The following PAQR5 variants were observed in gnomAD, a reference collection of about 807,000 sequenced individuals.
The protein encoded by PAQR5 is membrane progestin receptor gamma.
Under a neutral mutation model 34.5 loss-of-function variants are expected in PAQR5, and 20 were observed. That is an observed-to-expected ratio of 0.58 (90% CI 0.41 to 0.84). PAQR5 has a LOEUF of 0.84. Among genes scored for constraint, PAQR5 ranks in the 40% least tolerant of loss-of-function variants. The pLI is 0.00. For missense variants in PAQR5, 378 were observed against 412.7 expected, an observed-to-expected ratio of 0.92 and a Z score of 0.73; for synonymous variants, 131 against 155.6, an observed-to-expected ratio of 0.84 and a Z score of 1.18.
chr15:69,303,317 CAAGAA>C (rs57871006), intron 1 of PAQR5, among the ~76,000 whole-genome samples: 9,159 of 152,134 alleles, frequency 0.06, 422 homozygotes, highest in East Asian at 0.14. Flanking sequence ...AGGCCCTTGG[CAAGAA>C]CCTTCAGGCC....
chr15:69,350,405 G>A (rs1328759347), intron 2 of PAQR5, among the ~76,000 whole-genome samples: 2 of 152,228 alleles, frequency 1.3e-5, no homozygotes, highest in Non-Finnish European at 1.5e-5. Context: ...CACTTTGGGA[G>A]GCCGATGCAG....
At position 69,367,346 on chromosome 15, in the gene PAQR5, G is replaced by A. The variant is rs185842096; in HGVS notation, c.51+7215G>A. The stretch of plus-strand genomic sequence containing the variant: ...ATGTGTTAGAAATATGCTCTGCGTG[G>A]ATTAGTTTAGTGGTCACTTCAGCTA... On this transcript the variant is annotated intron_variant, in intron 3 of 8. Coordinates refer to ENST00000395407, the MANE Select transcript of PAQR5 (RefSeq NM_017705.4). Among the ~76,000 whole-genome samples, 25 of 152,118 alleles carry A rather than the reference G, an allele frequency of 1.6e-4. No homozygotes were observed. The East Asian group carries it at 4.8e-3, about 29-fold the overall frequency.
At chr15:69,333,004 T>C (rs2054421661) in intron 1 of PAQR5, among the ~76,000 whole-genome samples, 1 of 152,138 alleles carries the variant, frequency 6.6e-6, no homozygotes, top group South Asian at 2.1e-4. Context: ...AAAAGTCAGC[T>C]TAATTAAAAG....
chr15:69,313,627 T>C (rs1165708391), intron 1 of PAQR5, among the ~76,000 whole-genome samples: 1 of 151,608 alleles, frequency 6.6e-6, no homozygotes, highest in East Asian at 1.9e-4. Flanking sequence ...CTAGAAAAGG[T>C]AGGAAAGGGG....
rs56151928 is a variant in PAQR5 at position 69,300,937 on chromosome 15, C to CTTTCCTTCTTTCTT, written c.-277+1882_-277+1883insTTCCTTCTTTCTTT. Among the ~76,000 whole-genome samples, 31 of 5,164 alleles carry CTTTCCTTCTTTCTT rather than the reference C, an allele frequency of 6.0e-3. 1 individual carries two copies. The highest frequency in any genetic ancestry group is 7.4e-3 in the East Asian group (1 of 136). 3.4% of individuals were successfully genotyped at this position (5,164 alleles called of 152,430 possible). On this transcript the variant is annotated intron_variant, in intron 1 of 8. Coordinates refer to ENST00000395407, the MANE Select transcript of PAQR5 (RefSeq NM_017705.4). ...CCTTTCTCTCTCTCTCTCTCTCTCTCTCTTTCTTTCCTTCTTTCTTTCTTT... is the reference window on the plus strand; with the variant it reads ...CCTTTCTCTCTCTCTCTCTCTCTCTCTTTCCTTCTTTCTTTCTTTCTTTCCTTCTTTCTTTCTTT...
chr15:69,299,742 C>A (rs1212566272), intron 1 of PAQR5, among the ~76,000 whole-genome samples: 1 of 152,198 alleles, frequency 6.6e-6, no homozygotes, highest in East Asian at 1.9e-4. Flanking sequence ...AACTCAGGAG[C>A]CCGGTAACTC....
intron 5 of PAQR5, among the ~76,000 whole-genome samples, chr15:69,386,593 C>T (rs1247990285): frequency 6.6e-6 from 1 of 151,832 alleles, no homozygotes; most frequent in South Asian, 2.1e-4. Context: ...GATTCCCTCC[C>T]ACCCTCCGGA....
chr15:69,301,354 G>A lies in PAQR5; in HGVS notation c.-277+2298G>A, dbSNP rs537026091. 7.9e-5 allele frequency among the ~76,000 whole-genome samples: 12 copies of A among 152,236 alleles called. No individual in the cohort carries two copies. In the South Asian group the frequency reaches 2.3e-3, roughly 29 times the overall value. On this transcript the variant is annotated intron_variant, in intron 1 of 8. Coordinates refer to ENST00000395407, the MANE Select transcript of PAQR5 (RefSeq NM_017705.4). ...AGGACTTTCACTTTACCCTTGTCCC[G>A]CCAAGGAGAGGCCGAGGCTGGTGGG...
intron 1 of PAQR5, among the ~76,000 whole-genome samples, chr15:69,302,278 G>T (rs143702280): frequency 1.8e-4 from 28 of 152,164 alleles, no homozygotes; most frequent in Non-Finnish European, 3.7e-4. Flanking sequence ...TCACTATGTT[G>T]CCCAGGCTGC....
At chr15:69,333,607 T>C (rs1430164628) in intron 1 of PAQR5, among the ~76,000 whole-genome samples, 1 of 152,210 alleles carries the variant, frequency 6.6e-6, no homozygotes, top group Admixed American at 6.5e-5. Context: ...TTGAATGGAA[T>C]GCAGGGTAGA....
intron 1 of PAQR5, among the ~76,000 whole-genome samples, chr15:69,329,459 CTTTCTTTTTTTTTTT>C: frequency 9.1e-6 from 1 of 109,504 alleles, no homozygotes; most frequent in East Asian, 3.0e-4. Context: ...TTTATTTTTT[CTTTCTTTTTTTTTTT>C]TTTTTTTTTT....
At chr15:69,382,678 A>ATGTATG (rs2055924980) in intron 4 of PAQR5, among the ~76,000 whole-genome samples, 2 of 39,338 alleles carry the variant, frequency 5.1e-5, no homozygotes, top group African/African-American at 1.9e-4. Context: ...ATATATATAT[A>ATGTATG]TATATATATA....
intron 2 of PAQR5, among the ~76,000 whole-genome samples, chr15:69,341,108 A>G (rs1447569541): frequency 1.3e-5 from 2 of 151,992 alleles, no homozygotes; most frequent in Non-Finnish European, 2.9e-5. Context: ...ACCACCATCC[A>G]TCTCCACGAC....
intron 4 of PAQR5, among the ~76,000 whole-genome samples, chr15:69,381,745 G>A (rs538812630): frequency 2.0e-4 from 30 of 152,282 alleles, no homozygotes; most frequent in Admixed American, 5.9e-4. Flanking sequence ...CTGAAAAATT[G>A]AAATAACTGA....
intron 1 of PAQR5, among the ~76,000 whole-genome samples, chr15:69,319,007 G>A (rs779738003): frequency 6.6e-6 from 1 of 151,202 alleles, no homozygotes; most frequent in Non-Finnish European, 1.5e-5. Flanking sequence ...GGTAGGGGGC[G>A]CCTTTAATCC....
chr15:69,387,897 A>G (rs2056155723), intron 5 of PAQR5, among the ~76,000 whole-genome samples: 1 of 49,162 alleles, frequency 2.0e-5, no homozygotes, highest in African/African-American at 8.7e-5. Flanking sequence ...TCCAACCCCC[A>G]GACCTGGATA....
At position 69,405,059 on chromosome 15, in the gene PAQR5, T is replaced by A; in HGVS notation, c.*1237T>A. On this transcript the variant is annotated 3_prime_UTR_variant, in exon 9 of 9. Coordinates refer to ENST00000395407, the MANE Select transcript of PAQR5 (RefSeq NM_017705.4). ...CCAACTAAGGCGTAACCTCATTTTA[T>A]GTTCCAGCGTTTTCTACTCTGAATA... 2.5e-6 allele frequency: 1 copy of A among 398,640 alleles called. No individual in the cohort carries two copies. The highest frequency in any genetic ancestry group is 4.4e-6 in the Non-Finnish European group (1 of 226,042). 24.7% of individuals were successfully genotyped at this position (398,640 alleles called of 1,614,324 possible).
At chr15:69,341,266 T>C (rs1390613319) in intron 2 of PAQR5, among the ~76,000 whole-genome samples, 3 of 146,542 alleles carry the variant, frequency 2.0e-5, no homozygotes, top group African/African-American at 7.5e-5. Context: ...AATGGAATCA[T>C]ACAATATTTG....
At chr15:69,343,719 T>C (rs2054697041) in intron 2 of PAQR5, among the ~76,000 whole-genome samples, 1 of 152,140 alleles carries the variant, frequency 6.6e-6, no homozygotes, top group African/African-American at 2.4e-5. Context: ...GCAGCATTTG[T>C]GGGTGTGTGT....
Sources: gnomAD v4.1 joint callset for allele counts (sites outside exome capture counted in the v4.1 genomes callset) on GRCh38, gnomAD v4.1.1 for gene constraint, MANE v1.5 for transcripts, NCBI Gene and HGNC (gene_info 2026-07-23, HGNC 2026-07-21) for gene names.